EPB41L1: variants seen among roughly 807,000 people sequenced by gnomAD.
EPB41L1 encodes the protein erythrocyte membrane protein band 4.1 like 1.
A neutral mutation model predicts 97.8 loss-of-function variants in EPB41L1; 29 were observed. The ratio of observed to expected loss-of-function variants is 0.30; its 90% CI spans 0.22 to 0.40. The LOEUF (loss-of-function observed/expected upper bound fraction) is 0.40. EPB41L1 is among the 10% of genes least tolerant of loss of function. The pLI is 1.00. For synonymous variants in EPB41L1, 383 were observed against 459.2 expected (o/e 0.83, Z 2.12); for missense variants, 812 against 1,162.3 (o/e 0.70, Z 4.38).
At chr20:36,201,072 T>C in intron 14 of EPB41L1, 3 of 420,016 alleles carry the variant, frequency 7.1e-6, no homozygotes, top group South Asian at 5.1e-5. Flanking sequence ...GTGAGGGGAA[T>C]GTACCAGATT....
intron 2 of EPB41L1, among the ~76,000 whole-genome samples, chr20:36,143,407 A>G (rs1569121053): frequency 6.6e-6 from 1 of 152,106 alleles, no homozygotes; most frequent in Admixed American, 6.6e-5. Context: ...CAGAGGCAAT[A>G]TGACAAGGGT....
intron 3 of EPB41L1, among the ~76,000 whole-genome samples, chr20:36,176,859 T>C (rs2061259599): frequency 6.6e-6 from 1 of 152,170 alleles, no homozygotes; most frequent in African/African-American, 2.4e-5. Flanking sequence ...CTCAAACTCC[T>C]GGCCTCAAGT....
At position 36,092,138 on chromosome 20, in the gene EPB41L1, G is replaced by T. The variant is rs904696494; in HGVS notation, c.-65+526G>T. Among the ~76,000 whole-genome samples the T allele has an allele frequency of 5.3e-5, 8 of 152,292 alleles. No homozygotes were observed. The highest frequency in any genetic ancestry group is 2.6e-4 in the Admixed American group (4 of 15,304). On this transcript the variant is annotated intron_variant, in intron 1 of 19. Transcript: ENST00000202028. The surrounding 1 kb of genome is among the most constrained non-coding windows in gnomAD (Gnocchi z 7.0). Reference sequence around the variant, plus strand: ...GCGAGCCCTGGCCGCGGGAACAATGGGAGCGCGGCGTGGAAAAGGGTGGGC... The same window carrying T: ...GCGAGCCCTGGCCGCGGGAACAATGTGAGCGCGGCGTGGAAAAGGGTGGGC...
Position 36,190,470 on chromosome 20 carries a change from C to A in EPB41L1, c.1124+96C>A. 6.6e-7 allele frequency: 1 copy of A among 1,511,996 alleles called. No homozygotes were observed. The highest frequency in any genetic ancestry group is 9.1e-7 in the Non-Finnish European group (1 of 1,100,490). 93.7% of individuals were successfully genotyped at this position (1,511,996 alleles called of 1,614,324 possible). ...GAGTTAGTGAGAACTCTAGGAAAGT[C>A]CTCCACCCTTTCCCCAAGTCCCTCC... is the stretch of plus-strand genomic sequence containing the variant. On this transcript the variant is annotated intron_variant, in intron 10 of 21. Coordinates refer to ENST00000338074, the MANE Select transcript of EPB41L1 (RefSeq NM_012156.2). The surrounding 1 kb of genome is among the most constrained non-coding windows in gnomAD (Gnocchi z 5.8).
At chr20:36,171,603 G>A (rs2060992983) in intron 1 of EPB41L1, among the ~76,000 whole-genome samples, 1 of 152,190 alleles carries the variant, frequency 6.6e-6, no homozygotes, top group South Asian at 2.1e-4. Flanking sequence ...AGGATGTTCA[G>A]GGCCCCAGAG....
At chr20:36,215,521 G>A (rs1601030161) in intron 17 of EPB41L1, among the ~76,000 whole-genome samples, 1 of 152,188 alleles carries the variant, frequency 6.6e-6, no homozygotes, top group Non-Finnish European at 1.5e-5. Flanking sequence ...CAGCAGGTAG[G>A]TTTTGAATAC....
rs1162457913 is a variant in EPB41L1, at chr20:36,229,979, T to A, written c.*639T>A. 1 of 152,574 alleles carries A rather than the reference T, an allele frequency of 6.6e-6. No individual in the cohort carries two copies. The highest frequency in any genetic ancestry group is 6.6e-5 in the Admixed American group (1 of 15,262). 9.5% of individuals were successfully genotyped at this position (152,574 alleles called of 1,614,324 possible). A position where few individuals can be genotyped will look rare whatever the true frequency, so the allele number is the denominator to read the frequency against. The stretch of plus-strand genomic sequence containing the variant: ...TACTTTCTGGATCTTGACACTGGGC[T>A]GCAAAACCTACCTTCCTCTCTCCCG... On this transcript the variant is annotated 3_prime_UTR_variant, in exon 22 of 22. Coordinates refer to ENST00000338074, the MANE Select transcript of EPB41L1 (RefSeq NM_012156.2).
chr20:36,162,039 C>G (rs541082067), intron 1 of EPB41L1, among the ~76,000 whole-genome samples: 4 of 152,246 alleles, frequency 2.6e-5, no homozygotes, highest in Admixed American at 6.5e-5. Context: ...GCTGAGATTA[C>G]AGGCGTGAGC....
chr20:36,153,377 T>A (rs1021326872), upstream of EPB41L1, among the ~76,000 whole-genome samples: 2 of 151,964 alleles, frequency 1.3e-5, no homozygotes, highest in Non-Finnish European at 2.9e-5. Context: ...CAGGGAAGGA[T>A]GGAGGGCTCA....
chr20:36,097,327 G>C (rs2057864335), intron 1 of EPB41L1, among the ~76,000 whole-genome samples: 1 of 152,190 alleles, frequency 6.6e-6, no homozygotes, highest in East Asian at 1.9e-4. Flanking sequence ...ACTAGGGCAA[G>C]TGATTCCATT....
rs1200029264 is a variant in EPB41L1 at position 36,206,107 on chromosome 20, G to C, written c.1669-3381G>C. The C allele has an allele frequency of 7.8e-7, 1 of 1,289,788 alleles. No homozygotes were observed. Among genetic ancestry groups the C allele is most frequent in the Admixed American group, 2.3e-5 (1 of 43,560 alleles). The allele number at this position is 1,289,788 out of a possible 1,614,324, so 79.9% of individuals were successfully genotyped here. ...TGCAAGTCCTGAAGACTTTGAGTCA[G>C]TGGGGGAGGAAGGCCCCTGGATCAG... is the stretch of plus-strand genomic sequence containing the variant. On this transcript the variant is annotated intron_variant, in intron 14 of 21. Transcript: ENST00000338074. This position sits in a 1 kb window ranked among gnomAD's most constrained non-coding sequence, Gnocchi z 5.5.
chr20:36,128,898 C>A (rs1011606382), intron 2 of EPB41L1, among the ~76,000 whole-genome samples: 1 of 152,124 alleles, frequency 6.6e-6, no homozygotes, highest in Non-Finnish European at 1.5e-5. Flanking sequence ...TGAAGTCAGG[C>A]ATGAGTTGCT....
chr20:36,146,399 T>C (rs2059833141), intron 2 of EPB41L1, among the ~76,000 whole-genome samples: 1 of 152,190 alleles, frequency 6.6e-6, no homozygotes, highest in Non-Finnish European at 1.5e-5. Context: ...CTGAAGCCAA[T>C]GGTTATTTTA....
At chr20:36,180,560 T>C (rs1347667609) in intron 5 of EPB41L1, among the ~76,000 whole-genome samples, 1 of 152,144 alleles carries the variant, frequency 6.6e-6, no homozygotes, top group African/African-American at 2.4e-5. Flanking sequence ...CAATCTGGTG[T>C]GATGGTTAAG....
intron 2 of EPB41L1, among the ~76,000 whole-genome samples, chr20:36,141,361 G>A (rs1347268824): frequency 6.6e-6 from 1 of 151,768 alleles, no homozygotes; most frequent in Non-Finnish European, 1.5e-5. Context: ...TTCTTTTACT[G>A]TCAGATGAGG....
At chr20:36,170,998 C>G (rs965895715) in intron 1 of EPB41L1, among the ~76,000 whole-genome samples, 9 of 151,934 alleles carry the variant, frequency 5.9e-5, no homozygotes, top group Admixed American at 3.3e-4. Flanking sequence ...GGAAAAGTTC[C>G]GAGAGTGTGA....
chr20:36,219,957 T>G (rs2063681539), intron 19 of EPB41L1, 113 bp downstream of exon 19: 9 of 940,214 alleles, frequency 9.6e-6, no homozygotes, highest in Admixed American at 2.0e-5. Flanking sequence ...AAACCTGTAG[T>G]GTTTACCAGC....
chr20:36,190,930 C>A lies in EPB41L1; in HGVS notation c.1300+133C>A. On this transcript the variant is annotated intron_variant, in intron 11 of 21. Coordinates refer to ENST00000338074, the MANE Select transcript of EPB41L1 (RefSeq NM_012156.2). This position sits in a 1 kb window ranked among gnomAD's most constrained non-coding sequence, Gnocchi z 5.8. Reference sequence around the variant, plus strand: ...AAGTTCATCTGCACCAGGCTGGCCCCTCAAGACCAGTGCTGTCCCTGGGCA... The same window carrying A: ...AAGTTCATCTGCACCAGGCTGGCCCATCAAGACCAGTGCTGTCCCTGGGCA... The A allele has an allele frequency of 7.8e-7, 1 of 1,287,306 alleles. No individual in the cohort carries two copies. The highest frequency in any genetic ancestry group is 1.1e-6 in the Non-Finnish European group (1 of 921,666). The allele number at this position is 1,287,306 out of a possible 1,614,324, so 79.7% of individuals were successfully genotyped here. A position where few individuals can be genotyped will look rare whatever the true frequency, so the allele number is the denominator to read the frequency against.
chr20:36,099,118 G>A (rs2057927409), intron 1 of EPB41L1, among the ~76,000 whole-genome samples: 1 of 152,148 alleles, frequency 6.6e-6, no homozygotes, highest in Non-Finnish European at 1.5e-5. Flanking sequence ...GCAGTGAGCT[G>A]AGATTGTGCC....
Sources: allele counts gnomAD v4.1 joint callset (sites outside exome capture counted in the v4.1 genomes callset), GRCh38; gene constraint gnomAD v4.1.1; non-coding constraint Gnocchi (gnomAD v3.1); transcripts MANE v1.5; gene names NCBI Gene and HGNC (gene_info 2026-07-23, HGNC 2026-07-21).